Variants in NSUN4 observed in about 807,000 individuals in gnomAD.
The protein encoded by NSUN4 is 5-cytosine rRNA methyltransferase NSUN4.
Under a neutral mutation model 43.8 loss-of-function variants are expected in NSUN4, and 31 were observed. The observed-to-expected ratio is 0.71, with a 90% CI of 0.53 to 0.96. The LOEUF (loss-of-function observed/expected upper bound fraction) is 0.96. Ranked by LOEUF, NSUN4 falls within the 40% of genes least tolerant of loss-of-function variation. The probability of loss-of-function intolerance (pLI) is 0.00; values close to 1 mark genes in which losing one functional copy is unlikely to be tolerated. For synonymous variants in NSUN4, 167 were observed against 184.1 expected, an observed-to-expected ratio of 0.91 and a Z score of 0.75; for missense variants, 439 against 475.6, an observed-to-expected ratio of 0.92 and a Z score of 0.72.
the NSUN4 span, among the ~76,000 whole-genome samples, chr1:46,377,369 T>A: frequency 6.6e-6 from 1 of 152,136 alleles, no homozygotes; most frequent in Non-Finnish European, 1.5e-5. Context: ...TAAATAATAA[T>A]AGACTTACCT....
At chr1:46,354,246 A>G (rs1382293955) in intron 4 of NSUN4, among the ~76,000 whole-genome samples, 2 of 151,752 alleles carry the variant, frequency 1.3e-5, no homozygotes, top group East Asian at 1.9e-4. Flanking sequence ...AGCTGGGACT[A>G]GAGTGTGCCA....
chr1:46,347,114 C>T, intron 3 of NSUN4, 39 bp downstream of exon 3: 1 of 1,596,446 alleles, frequency 6.3e-7, no homozygotes, highest in Non-Finnish European at 8.6e-7. Context: ...GAGAGAGCTC[C>T]CCACCTCACC....
intron 3 of NSUN4, among the ~76,000 whole-genome samples, chr1:46,348,820 T>G (rs1221282913): frequency 2.1e-5 from 3 of 142,054 alleles, no homozygotes; most frequent in Non-Finnish European, 3.0e-5. Context: ...TTTTTTTTTT[T>G]TTTTTTTTTT....
At chr1:46,343,648 G>A (rs1662280345) in intron 1 of NSUN4, 3 of 399,806 alleles carry the variant, frequency 7.5e-6, no homozygotes, top group Non-Finnish European at 1.3e-5. Flanking sequence ...AGTCAGAAAA[G>A]CAGTCCCTAT....
At chr1:46,358,198 C>T (rs541039656) in intron 4 of NSUN4, among the ~76,000 whole-genome samples, 36 of 152,220 alleles carry the variant, frequency 2.4e-4, no homozygotes, top group South Asian at 8.3e-4. Context: ...TGGGTTCAAG[C>T]GATTCTCCTG....
chr1:46,362,420 C>G lies in NSUN4; in HGVS notation c.*574C>G, dbSNP rs190270977. The G allele has an allele frequency of 6.5e-6, 1 of 152,932 alleles. No homozygotes were observed. Among genetic ancestry groups the G allele is most frequent in the African/African-American group, 2.4e-5 (1 of 41,456 alleles). 9.5% of individuals were successfully genotyped at this position (152,932 alleles called of 1,614,324 possible). The stretch of plus-strand genomic sequence containing the variant: ...AGCCAGTGCAAAATAATCTGCTTAC[C>G]TACTCACATTGGAAAAACCCTCTGA... On this transcript the variant is annotated 3_prime_UTR_variant, in exon 6 of 6. Coordinates refer to ENST00000474844, the MANE Select transcript of NSUN4 (RefSeq NM_199044.4).
At chr1:46,343,338 G>T (rs1662255544) in intron 1 of NSUN4, 2 of 399,610 alleles carry the variant, frequency 5.0e-6, no homozygotes, top group South Asian at 1.3e-4. Context: ...TTTACCCATT[G>T]TCCCCCGAGT....
In NSUN4 at chr1:46,352,732, T is replaced by C. The variant is rs1663091445; in HGVS notation, c.593-136T>C. The C allele has an allele frequency of 7.5e-6, 6 of 801,966 alleles. No homozygotes were observed. The South Asian group carries it at 9.6e-5, about 13-fold the overall frequency. 49.7% of individuals were successfully genotyped at this position (801,966 alleles called of 1,614,324 possible). On this transcript the variant is annotated intron_variant, in intron 3 of 5. Coordinates refer to ENST00000474844, the MANE Select transcript of NSUN4 (RefSeq NM_199044.4). ...ACTCAGAATGACTGATGCTGTGCCA[T>C]GCACATAATAAATGTTCCTGATGCT...
At chr1:46,346,632 G>C (rs866986425) in intron 2 of NSUN4, among the ~76,000 whole-genome samples, 4 of 152,132 alleles carry the variant, frequency 2.6e-5, no homozygotes, top group Admixed American at 1.3e-4. Flanking sequence ...GCTGAGACGG[G>C]AGAATCACTT....
intron 4 of NSUN4, among the ~76,000 whole-genome samples, chr1:46,355,116 T>G (rs1663275562): frequency 6.6e-6 from 1 of 152,204 alleles, no homozygotes; most frequent in African/African-American, 2.4e-5. Context: ...AACCTCTTCG[T>G]TTGTGAAACA....
At chr1:46,365,338 C>A (rs888067922), downstream of NSUN4, among the ~76,000 whole-genome samples, 1 of 151,910 alleles carries the variant, frequency 6.6e-6, no homozygotes, top group African/African-American at 2.4e-5. Flanking sequence ...TACGTGTTTT[C>A]TTTTCTTTTT....
chr1:46,375,579 A>G, the NSUN4 span, among the ~76,000 whole-genome samples: 1 of 151,644 alleles, frequency 6.6e-6, no homozygotes. Context: ...ACAAAAAATA[A>G]AAACAAAATT....
downstream of NSUN4, among the ~76,000 whole-genome samples, chr1:46,365,576 A>C (rs1664116522): frequency 6.6e-6 from 1 of 152,252 alleles, no homozygotes; most frequent in South Asian, 2.1e-4. Flanking sequence ...TCCTGACCTC[A>C]GATGATCCAC....
At chr1:46,375,822 C>T in the NSUN4 span, among the ~76,000 whole-genome samples, 21 of 150,468 alleles carry the variant, frequency 1.4e-4, no homozygotes, top group Non-Finnish European at 2.7e-4. Context: ...TAGGCCAGTG[C>T]GTGGCTGGGC....
the NSUN4 span, among the ~76,000 whole-genome samples, chr1:46,371,732 G>A: frequency 6.6e-6 from 1 of 152,036 alleles, no homozygotes; most frequent in African/African-American, 2.4e-5. Flanking sequence ...GAGCCACCGC[G>A]CCTGACCAGG....
intron 4 of NSUN4, among the ~76,000 whole-genome samples, chr1:46,358,255 C>T (rs1181740454): frequency 2.0e-5 from 3 of 151,964 alleles, no homozygotes; most frequent in African/African-American, 7.2e-5. Context: ...ACCACTGTGC[C>T]CGGCTAATTT....
At chr1:46,372,209 C>T in the NSUN4 span, among the ~76,000 whole-genome samples, 1 of 149,504 alleles carries the variant, frequency 6.7e-6, no homozygotes, top group Non-Finnish European at 1.5e-5. Flanking sequence ...GGCGCGATCT[C>T]GGCTCACTGT....
At chr1:46,375,052 A>G in the NSUN4 span, among the ~76,000 whole-genome samples, 1 of 152,172 alleles carries the variant, frequency 6.6e-6, no homozygotes. Flanking sequence ...TTAAATTTTT[A>G]AAAAGGGTAA....
At chr1:46,343,147 ATCCCTG>A (rs2148360331) in intron 1 of NSUN4, 1 of 182,514 alleles carries the variant, frequency 5.5e-6, no homozygotes, top group Non-Finnish European at 9.0e-6. Flanking sequence ...TCCACCCCCC[ATCCCTG>A]CCCACTGTCT....
Sources: allele counts gnomAD v4.1 joint callset (sites outside exome capture counted in the v4.1 genomes callset), GRCh38; gene constraint gnomAD v4.1.1; transcripts MANE v1.5; gene names NCBI Gene and HGNC (gene_info 2026-07-23, HGNC 2026-07-21).